Variants in PIGN observed in about 807,000 individuals in gnomAD.
The protein encoded by PIGN is GPI ethanolamine phosphate transferase 1.
PIGN carries 117 observed loss-of-function variants against 125.4 expected under a neutral mutation model. The ratio of observed to expected loss-of-function variants is 0.93; its 90% CI spans 0.80 to 1.09. The LOEUF is 1.09. PIGN is among the 50% of genes least tolerant of loss of function. The probability of loss-of-function intolerance (pLI) is 0.00; values close to 1 mark genes in which losing one functional copy is unlikely to be tolerated. For synonymous variants in PIGN, 392 were observed against 377.8 expected, an observed-to-expected ratio of 1.04 and a Z score of -0.44; for missense variants, 1,075 against 1,094.9, an observed-to-expected ratio of 0.98 and a Z score of 0.26.
chr18:62,123,808 A>G (rs4274523), intron 14 of PIGN, among the ~76,000 whole-genome samples: 88,166 of 151,788 alleles, frequency 0.58, 26,345 homozygotes, highest in East Asian at 0.75. Context: ...AGCATAATGA[A>G]GAATAGGAAA....
chr18:62,046,835 A>T (rs2030751395), intron 30 of PIGN, among the ~76,000 whole-genome samples: 1 of 152,240 alleles, frequency 6.6e-6, no homozygotes, highest in Non-Finnish European at 1.5e-5. Flanking sequence ...CCAAGGATAC[A>T]GAGGGCTGAC....
chr18:62,026,701 T>C (rs62096619), intron 23 of PIGN, among the ~76,000 whole-genome samples: 35,155 of 152,176 alleles, frequency 0.23, 4,398 homozygotes, highest in Middle Eastern at 0.3. Context: ...TTCCTGACTC[T>C]GCCTCTGCTA....
chr18:62,082,214 C>G (rs1390078648), intron 28 of PIGN, among the ~76,000 whole-genome samples: 1 of 152,012 alleles, frequency 6.6e-6, no homozygotes, highest in Non-Finnish European at 1.5e-5. Flanking sequence ...GAAATCATGA[C>G]AGAGAAACTG....
At chr18:62,112,374 A>C (rs2146557462) in intron 16 of PIGN, among the ~76,000 whole-genome samples, 1 of 152,294 alleles carries the variant, frequency 6.6e-6, no homozygotes, top group African/African-American at 2.4e-5. Flanking sequence ...CTTTTTAGAG[A>C]ACTTGAACAT....
intron 1 of PIGN, among the ~76,000 whole-genome samples, chr18:62,180,568 G>T (rs2037681302): frequency 6.6e-6 from 1 of 152,076 alleles, no homozygotes; most frequent in Admixed American, 6.5e-5. Flanking sequence ...CCTGTTATTT[G>T]AATATGTATT....
intron 22 of PIGN, among the ~76,000 whole-genome samples, chr18:62,096,994 G>T (rs1452359026): frequency 6.6e-6 from 1 of 151,776 alleles, no homozygotes; most frequent in East Asian, 1.9e-4. Context: ...ATAAACATAC[G>T]TGTGCATGTG....
At chr18:62,109,563 A>AT (rs556213550) in intron 17 of PIGN, among the ~76,000 whole-genome samples, 3 of 151,934 alleles carry the variant, frequency 2.0e-5, no homozygotes, top group African/African-American at 7.2e-5. Context: ...CTTTTATTCC[A>AT]TTTTTTTTCT....
At chr18:62,117,028 G>A (rs1037263760) in intron 14 of PIGN, among the ~76,000 whole-genome samples, 6 of 151,942 alleles carry the variant, frequency 3.9e-5, no homozygotes, top group African/African-American at 9.7e-5. Flanking sequence ...AGAAACAGGA[G>A]TCAGGGTAAT....
In PIGN at chr18:62,105,445, T is replaced by C. The variant is rs955734557; in HGVS notation, c.1859+98A>G. 4.2e-6 allele frequency: 3 copies of C among 715,228 alleles called. No individual in the cohort carries two copies. In the African/African-American group the frequency reaches 5.3e-5, roughly 13 times the overall value. 44.3% of individuals were successfully genotyped at this position (715,228 alleles called of 1,614,324 possible). A position where few individuals can be genotyped will look rare whatever the true frequency, so the allele number is the denominator to read the frequency against. The stretch of plus-strand genomic sequence containing the variant: ...TTTAAATTCCCGTTAGTTCACATGA[T>C]TTTATATTCTTGACCAAGATTAGGT... On this transcript the variant is annotated intron_variant, in intron 20 of 30. Coordinates refer to ENST00000640252, the MANE Select transcript of PIGN (RefSeq NM_176787.5).
chr18:62,125,616 G>C (rs1186052459), intron 14 of PIGN, among the ~76,000 whole-genome samples: 1 of 152,026 alleles, frequency 6.6e-6, no homozygotes, highest in African/African-American at 2.4e-5. Context: ...CTCCAAAAGA[G>C]TGATTATATA....
At chr18:62,051,392 C>G (rs1021435300) in intron 30 of PIGN, among the ~76,000 whole-genome samples, 1 of 152,128 alleles carries the variant, frequency 6.6e-6, no homozygotes, top group Non-Finnish European at 1.5e-5. Context: ...TGTTATTGGA[C>G]TATTCAGAGA....
intron 30 of PIGN, among the ~76,000 whole-genome samples, chr18:62,056,054 TAA>T (rs766579368): frequency 7.1e-4 from 69 of 97,858 alleles, no homozygotes; most frequent in Middle Eastern, 5.7e-3. Context: ...TTTTTGCCAC[TAA>T]AAAAAAAAAA....
rs571845367 is a variant in PIGN, at chr18:62,056,216, C to T, written c.2673-10237G>A. On this transcript the variant is annotated intron_variant, in intron 30 of 30. Transcript: ENST00000640252. ...TTCTACAAAACTAAAGTAAAACTCACCCTGCAAAATATTAAAATATAAAGT... is the reference window on the plus strand; with the variant it reads ...TTCTACAAAACTAAAGTAAAACTCATCCTGCAAAATATTAAAATATAAAGT... Among the ~76,000 whole-genome samples, 123 of 151,462 alleles carry T rather than the reference C, an allele frequency of 8.1e-4. 1 individual carries two copies. The highest frequency in any genetic ancestry group is 2.6e-3 in the African/African-American group (108 of 41,346).
chr18:62,032,062 C>A (rs2030200304), intron 23 of PIGN, among the ~76,000 whole-genome samples: 1 of 152,160 alleles, frequency 6.6e-6, no homozygotes, highest in Non-Finnish European at 1.5e-5. Flanking sequence ...CTTCTTGTGA[C>A]TTCTCTTCTG....
chr18:62,049,635 C>G (rs1289729539), intron 30 of PIGN, among the ~76,000 whole-genome samples: 5 of 146,510 alleles, frequency 3.4e-5, no homozygotes, highest in Non-Finnish European at 6.0e-5. Context: ...AAAATTTTCT[C>G]CCATGTTGTA....
At chr18:62,047,880 AT>A (rs1227293523) in intron 30 of PIGN, among the ~76,000 whole-genome samples, 1 of 152,238 alleles carries the variant, frequency 6.6e-6, no homozygotes, top group African/African-American at 2.4e-5. Context: ...TGTTAGAATT[AT>A]CTGGCAAAAA....
At chr18:62,031,048 C>T (rs1026386213) in intron 23 of PIGN, among the ~76,000 whole-genome samples, 3 of 152,140 alleles carry the variant, frequency 2.0e-5, no homozygotes, top group Admixed American at 6.6e-5. Flanking sequence ...TGTCTTCACC[C>T]AAATCTCACC....
chr18:62,062,773 C>T (rs917998302), intron 30 of PIGN, among the ~76,000 whole-genome samples: 3 of 151,554 alleles, frequency 2.0e-5, no homozygotes, highest in Non-Finnish European at 2.9e-5. Flanking sequence ...TGGCTAGTAC[C>T]GGGTGGTGGT....
In PIGN at chr18:62,173,791, T is replaced by A. The variant is rs541783881; in HGVS notation, c.-235-10135A>T. Among the ~76,000 whole-genome samples, 12 of 152,332 alleles carry A rather than the reference T, an allele frequency of 7.9e-5. No individual in the cohort carries two copies. In the South Asian group the frequency reaches 2.5e-3, roughly 32 times the overall value. On this transcript the variant is annotated intron_variant, in intron 1 of 30. Transcript: ENST00000640252. ...ACATTATGAAATAAGAATAGTCATA[T>A]GGTCACTAAATTCTGCCAATTCAAC... is the stretch of plus-strand genomic sequence containing the variant.
Sources: gnomAD v4.1 joint callset for allele counts (sites outside exome capture counted in the v4.1 genomes callset) on GRCh38, gnomAD v4.1.1 for gene constraint, MANE v1.5 for transcripts, NCBI Gene and HGNC (gene_info 2026-07-23, HGNC 2026-07-21) for gene names.